DST: variants seen among roughly 807,000 people sequenced by gnomAD.
The protein encoded by DST is dystonin.
A neutral mutation model predicts 875.2 loss-of-function variants in DST; 253 were observed. The observed-to-expected ratio is 0.29, with a 90% confidence interval of 0.26 to 0.32. The LOEUF is 0.32. Ranked by LOEUF, DST falls within the 10% of genes least tolerant of loss-of-function variation. DST has a pLI of 1.00. For synonymous variants in DST, 3,124 were observed against 3,197.1 expected (o/e 0.98, Z 0.77); for missense variants, 8,287 against 9,111.6 (o/e 0.91, Z 3.68).
intron 3 of DST, among the ~76,000 whole-genome samples, chr6:56,870,762 T>C (rs1050469607): frequency 2.0e-5 from 3 of 151,870 alleles, no homozygotes; most frequent in African/African-American, 4.8e-5. Flanking sequence ...TCACAAAGCA[T>C]ACAATGAAAC....
At chr6:56,679,895 AC>A (rs2152840723) in intron 9 of DST, among the ~76,000 whole-genome samples, 1 of 152,072 alleles carries the variant, frequency 6.6e-6, no homozygotes, top group African/African-American at 2.4e-5. Flanking sequence ...ATAAGTAAGA[AC>A]CCCCTTCTGT....
At chr6:56,493,228 C>A in intron 83 of DST, 139 bp from the exon 84 acceptor site, 1 of 654,124 alleles carries the variant, frequency 1.5e-6, no homozygotes, top group East Asian at 3.2e-5. Context: ...AACTAAATAT[C>A]TTATAAATGT....
rs761448254 is a variant in DST at position 56,473,980 on chromosome 6, C to G, written c.21887G>C (p.Arg7296Thr). The G allele has an allele frequency of 6.3e-7, 1 of 1,579,310 alleles. No individual in the cohort carries two copies. The highest frequency in any genetic ancestry group is 8.6e-7 in the Non-Finnish European group (1 of 1,160,380). Residue 7296 changes from arginine to threonine, a missense_variant, in exon 93 of 104, where the codon AGA becomes ACA. This residue lies in a region of DST where 1,292 missense variants were observed against 1,552.7 expected (regional missense o/e 0.83). Transcript: ENST00000680361. ...EHQTFMEEMT[R>T]KQPDVDKVTK... ...TACTTTATCAACATCAGGCTGTTTTCTGGTCATTTCCTCCATGAAGGTCTG... is the reference window on the plus strand; with the variant it reads ...TACTTTATCAACATCAGGCTGTTTTGTGGTCATTTCCTCCATGAAGGTCTG...
intron 10 of DST, among the ~76,000 whole-genome samples, chr6:56,655,382 A>G (rs2099001987): frequency 6.6e-6 from 1 of 152,142 alleles, no homozygotes. Flanking sequence ...TGCAGACACA[A>G]CATTACCAAA....
intron 3 of DST, among the ~76,000 whole-genome samples, chr6:56,868,880 A>ATGT (rs1775609004): frequency 6.6e-6 from 1 of 152,338 alleles, no homozygotes; most frequent in African/African-American, 2.4e-5. Flanking sequence ...AGCACTTCTC[A>ATGT]ATACCCTATG....
intron 95 of DST, 107 bp downstream of exon 95, chr6:56,470,999 T>C (rs1236622249): frequency 1.7e-5 from 21 of 1,239,580 alleles, no homozygotes; most frequent in Non-Finnish European, 2.3e-5. Flanking sequence ...AGGCAACTTA[T>C]AAGACAATGC....
chr6:56,580,745 G>GT (rs1296160568), intron 49 of DST, among the ~76,000 whole-genome samples: 1 of 126,918 alleles, frequency 7.9e-6, no homozygotes, highest in African/African-American at 3.0e-5. Flanking sequence ...TTTTTTTTTG[G>GT]TTGGGGGGGC....
At chr6:56,501,796 G>A in intron 78 of DST, 103 bp from the exon 79 acceptor site, 1 of 790,700 alleles carries the variant, frequency 1.3e-6, no homozygotes. Context: ...ACTACTTACT[G>A]AGGGGAGGTG....
rs2098485010 is a variant in DST at position 56,605,363 on chromosome 6, T to C, written c.9265A>G (p.Asn3089Asp). The change falls in exon 40 of 104, where the codon AAT becomes GAT. Residue 3089 changes from asparagine to aspartate, a missense_variant. By Grantham distance (23) the Asn-to-Asp change is conservative. Coordinates refer to ENST00000680361, the MANE Select transcript of DST (RefSeq NM_001374736.1). ...ATTTGTGGAAATGGAAACTGACTAT[T>C]AATTAACTTGAAACTATCCCTTGTA... ...KNTRDSFKLI[N>D]SQFPFPQITN... 6.2e-7 allele frequency: 1 copy of C among 1,612,654 alleles called. No homozygotes were observed. Among genetic ancestry groups the C allele is most frequent in the African/African-American group, 1.3e-5 (1 of 74,976 alleles).
intron 3 of DST, among the ~76,000 whole-genome samples, chr6:56,853,177 A>C (rs1766131875): frequency 6.6e-6 from 1 of 152,160 alleles, no homozygotes; most frequent in Non-Finnish European, 1.5e-5. Context: ...ATTTTACATA[A>C]AATTTCATCA....
intron 52 of DST, 70 bp downstream of exon 52, chr6:56,572,677 A>C: frequency 8.9e-7 from 1 of 1,126,276 alleles, no homozygotes; most frequent in South Asian, 2.1e-5. Flanking sequence ...TAATTCTGGC[A>C]CTAAGTATAT....
chr6:56,511,566 G>A (rs938960291), intron 72 of DST, among the ~76,000 whole-genome samples, 166 bp from the exon 73 acceptor site: 1 of 152,050 alleles, frequency 6.6e-6, no homozygotes, highest in Admixed American at 6.6e-5. Flanking sequence ...AGGAAGAGAA[G>A]GTCCTGACAC....
At chr6:56,526,340 C>T in intron 69 of DST, 21 bp downstream of exon 69, 1 of 1,612,146 alleles carries the variant, frequency 6.2e-7, no homozygotes, top group South Asian at 1.1e-5. Flanking sequence ...ATTGCCTAAA[C>T]AACAAACCAT....
chr6:56,465,463 C>T (rs1167134383), intron 99 of DST, among the ~76,000 whole-genome samples: 5 of 151,974 alleles, frequency 3.3e-5, no homozygotes, highest in African/African-American at 9.7e-5. Flanking sequence ...TGGTTGAGAA[C>T]TTAAAAATTG....
At chr6:56,565,715 G>A (rs925431817) in intron 55 of DST, among the ~76,000 whole-genome samples, 1 of 152,212 alleles carries the variant, frequency 6.6e-6, no homozygotes, top group Non-Finnish European at 1.5e-5. Context: ...CCTTAGCAGA[G>A]CTTGAGCACT....
At chr6:56,717,759 C>T (rs1217496448) in intron 5 of DST, among the ~76,000 whole-genome samples, 1 of 151,714 alleles carries the variant, frequency 6.6e-6, no homozygotes, top group Non-Finnish European at 1.5e-5. Context: ...TATGATAGCA[C>T]TCTCAACCAA....
intron 3 of DST, among the ~76,000 whole-genome samples, chr6:56,874,620 A>G (rs1384281360): frequency 6.6e-6 from 1 of 152,216 alleles, no homozygotes; most frequent in Non-Finnish European, 1.5e-5. Flanking sequence ...GCTAAAAGAG[A>G]TAAGTGACTG....
At chr6:56,543,202 T>G (rs2097168072) in intron 61 of DST, among the ~76,000 whole-genome samples, 1 of 152,156 alleles carries the variant, frequency 6.6e-6, no homozygotes, top group Non-Finnish European at 1.5e-5. Context: ...GCTACATAGG[T>G]CCCTATCCTT....
In DST at chr6:56,525,107, A is replaced by G. The variant is rs573127851; in HGVS notation, c.18129+1254T>C. On this transcript the variant is annotated intron_variant, in intron 69 of 103. Transcript: ENST00000680361. ...GTGACTGTGCCCTTATTACTTCCTCACTTTACTGAACCAGCCAACCACAGT... is the reference window on the plus strand; with the variant it reads ...GTGACTGTGCCCTTATTACTTCCTCGCTTTACTGAACCAGCCAACCACAGT... Among the ~76,000 whole-genome samples the G allele has an allele frequency of 2.0e-5, 3 of 152,206 alleles. No homozygotes were observed. In the South Asian group the frequency reaches 6.2e-4, roughly 32 times the overall value.
Sources: gnomAD v4.1 joint callset for allele counts (sites outside exome capture counted in the v4.1 genomes callset) on GRCh38, gnomAD v4.1.1 for gene constraint, gnomAD v4.1.1 regional missense constraint, MANE v1.5 for transcripts, NCBI Gene and HGNC (gene_info 2026-07-23, HGNC 2026-07-21) for gene names.